The following NRXN1 variants were observed in gnomAD, a reference collection of about 807,000 sequenced individuals.
The protein encoded by NRXN1 is neurexin 1.
Under a neutral mutation model 150.9 loss-of-function variants are expected in NRXN1, and 39 were observed. That is an observed-to-expected ratio of 0.26 (90% confidence interval 0.20 to 0.34). The LOEUF is 0.34. Ranked by LOEUF, NRXN1 falls within the 10% of genes least tolerant of loss-of-function variation. The pLI is 1.00. For synonymous variants in NRXN1, 924 were observed against 757.0 expected (o/e 1.22, Z -3.62); for missense variants, 1,815 against 1,949.9 (o/e 0.93, Z 1.30).
chr2:50,630,290 T>C (rs1226624698), intron 5 of NRXN1, among the ~76,000 whole-genome samples: 2 of 151,692 alleles, frequency 1.3e-5, no homozygotes, highest in South Asian at 2.1e-4. Flanking sequence ...AGATGGTAGA[T>C]TGAACAAATG....
intron 21 of NRXN1, among the ~76,000 whole-genome samples, chr2:50,038,365 TTCTCTCTC>T (rs1012325918): frequency 6.6e-6 from 1 of 151,132 alleles, no homozygotes. Context: ...ATCCTGGGCT[TTCTCTCTC>T]TCTCTCTCAT....
chr2:50,645,467 T>C (rs1383073402), intron 5 of NRXN1, among the ~76,000 whole-genome samples: 1 of 151,936 alleles, frequency 6.6e-6, no homozygotes, highest in Non-Finnish European at 1.5e-5. Context: ...CGTCATCACA[T>C]AAACTATAAC....
intron 5 of NRXN1, among the ~76,000 whole-genome samples, chr2:50,671,449 A>G (rs960681478): frequency 6.6e-6 from 1 of 151,650 alleles, no homozygotes; most frequent in Admixed American, 6.6e-5. Context: ...TTTATTTTAT[A>G]TTATCAATAT....
At chr2:50,248,770 A>T (rs1448901546) in intron 17 of NRXN1, among the ~76,000 whole-genome samples, 1 of 152,114 alleles carries the variant, frequency 6.6e-6, no homozygotes, top group Non-Finnish European at 1.5e-5. Flanking sequence ...ACTTCTTCAC[A>T]TTAGTGTGAG....
chr2:50,693,287 T>C (rs145760820), intron 5 of NRXN1, among the ~76,000 whole-genome samples: 2,384 of 152,278 alleles, frequency 0.016, 55 homozygotes, highest in African/African-American at 0.054. Context: ...AAATACTAAA[T>C]GCTAACCGAA....
At chr2:50,211,701 T>A (rs1325103811) in intron 18 of NRXN1, among the ~76,000 whole-genome samples, 1 of 151,436 alleles carries the variant, frequency 6.6e-6, no homozygotes, top group African/African-American at 2.4e-5. Flanking sequence ...TAGAGATAAC[T>A]AAAAACAACA....
intron 5 of NRXN1, among the ~76,000 whole-genome samples, chr2:50,827,901 T>G (rs1226841063): frequency 6.8e-6 from 1 of 147,806 alleles, no homozygotes; most frequent in Admixed American, 6.8e-5. Flanking sequence ...AGCACATGTT[T>G]CAGAGAGCAC....
At chr2:49,985,271 G>C (rs1441977049) in intron 21 of NRXN1, among the ~76,000 whole-genome samples, 1 of 152,102 alleles carries the variant, frequency 6.6e-6, no homozygotes, top group African/African-American at 2.4e-5. Context: ...GTTACATCTA[G>C]GATTTGCATA....
In NRXN1 at chr2:50,346,954, G is replaced by A; in HGVS notation, c.3365-109984C>T. The A allele has an allele frequency of 1.5e-6, 2 of 1,369,274 alleles. No homozygotes were observed. Among genetic ancestry groups the A allele is most frequent in the African/African-American group, 1.6e-5 (1 of 64,270 alleles). The allele number at this position is 1,369,274 out of a possible 1,614,324, so 84.8% of individuals were successfully genotyped here. On this transcript the variant is annotated intron_variant, in intron 17 of 22. Coordinates refer to ENST00000401669, the MANE Select transcript of NRXN1 (RefSeq NM_001330078.2). The surrounding 1 kb of genome is among the most constrained non-coding windows in gnomAD (Gnocchi z 5.0). ...CCGGAGCATCCTCTGGTACATGGCG[G>A]GGCGCCCGCCGAGGGGCAGCCGCCG...
intron 18 of NRXN1, among the ~76,000 whole-genome samples, chr2:50,163,183 T>TAA (rs2059466739): frequency 1.3e-5 from 2 of 148,390 alleles, no homozygotes; most frequent in African/African-American, 4.9e-5. Context: ...TATATATATA[T>TAA]ATAAAACAAT....
At chr2:50,643,474 T>G (rs12618911) in intron 5 of NRXN1, among the ~76,000 whole-genome samples, 54,588 of 151,650 alleles carry the variant, frequency 0.36, 10,111 homozygotes, top group East Asian at 0.61. Context: ...AAGCTGCTTT[T>G]ATTTCTAATT....
chr2:50,420,797 G>A (rs1462180379), intron 17 of NRXN1, among the ~76,000 whole-genome samples: 1 of 151,988 alleles, frequency 6.6e-6, no homozygotes, highest in African/African-American at 2.4e-5. Context: ...TCTGTGTTTT[G>A]CTGTGGTAAT....
At chr2:50,258,444 G>C (rs2067932256) in intron 17 of NRXN1, among the ~76,000 whole-genome samples, 1 of 151,978 alleles carries the variant, frequency 6.6e-6, no homozygotes, top group African/African-American at 2.4e-5. Context: ...TTTATCATGA[G>C]ATTGCAGCAA....
At chr2:49,979,974 A>G (rs1342442928) in intron 21 of NRXN1, among the ~76,000 whole-genome samples, 1 of 147,470 alleles carries the variant, frequency 6.8e-6, no homozygotes, top group Non-Finnish European at 1.5e-5. Flanking sequence ...ATCTAGGTAT[A>G]TATGCTTTGT....
At chr2:50,877,857 G>C (rs1433791189) in intron 5 of NRXN1, among the ~76,000 whole-genome samples, 1 of 151,920 alleles carries the variant, frequency 6.6e-6, no homozygotes, top group Non-Finnish European at 1.5e-5. Context: ...AAAAACGTTA[G>C]AGAATTCTTT....
chr2:50,661,281 T>C (rs1687263694), intron 5 of NRXN1, among the ~76,000 whole-genome samples: 1 of 152,000 alleles, frequency 6.6e-6, no homozygotes, highest in African/African-American at 2.4e-5. Flanking sequence ...AGGAAAAGGT[T>C]CACAGAAGAA....
chr2:50,159,667 T>C (rs765610916), intron 18 of NRXN1, among the ~76,000 whole-genome samples: 1 of 152,164 alleles, frequency 6.6e-6, no homozygotes, highest in Non-Finnish European at 1.5e-5. Flanking sequence ...TATTCAAAGA[T>C]GCAACCTTGT....
chr2:50,653,291 G>A (rs1203015727), intron 5 of NRXN1, among the ~76,000 whole-genome samples: 1 of 152,004 alleles, frequency 6.6e-6, no homozygotes, highest in African/African-American at 2.4e-5. Flanking sequence ...TACCACATGT[G>A]CAGTCTATAT....
chr2:50,162,398 G>A (rs17040066), intron 18 of NRXN1, among the ~76,000 whole-genome samples: 2,171 of 152,144 alleles, frequency 0.014, 30 homozygotes, highest in Middle Eastern at 0.024. Flanking sequence ...CATTGTCAGG[G>A]TAAAATTTTG....
Sources: gnomAD v4.1 joint callset for allele counts (sites outside exome capture counted in the v4.1 genomes callset) on GRCh38, gnomAD v4.1.1 for gene constraint, Gnocchi (gnomAD v3.1) non-coding constraint, MANE v1.5 for transcripts, NCBI Gene and HGNC (gene_info 2026-07-23, HGNC 2026-07-21) for gene names.